The following TSBP1 variants were observed in gnomAD, a reference collection of about 807,000 sequenced individuals.
TSBP1 encodes the protein testis-expressed basic protein 1.
In TSBP1, 56 loss-of-function variants were observed where a neutral mutation model predicts 68.8. The ratio of observed to expected loss-of-function variants is 0.81; its 90% CI spans 0.66 to 1.02. The LOEUF (loss-of-function observed/expected upper bound fraction) is 1.02. Ranked by LOEUF, TSBP1 falls within the 50% of genes least tolerant of loss-of-function variation. The pLI is 0.00. For synonymous variants in TSBP1, 171 were observed against 208.7 expected, an observed-to-expected ratio of 0.82 and a Z score of 1.56; for missense variants, 502 against 641.2, an observed-to-expected ratio of 0.78 and a Z score of 2.34.
chr6:32,361,417 A>G lies in TSBP1; in HGVS notation c.217+4750T>C, dbSNP rs1773009502. The stretch of plus-strand genomic sequence containing the variant: ...CCCAATAATGAGATGGCTGGGTCAA[A>G]TGGTATTTCTAGTTCTAGATCCTTG... On this transcript the variant is annotated intron_variant, in intron 6 of 22. Coordinates refer to ENST00000612031, the Ensembl canonical transcript of TSBP1. The surrounding 1 kb of genome is among the most constrained non-coding windows in gnomAD (Gnocchi z 4.3). Among the ~76,000 whole-genome samples, 1 of 152,164 alleles carries G rather than the reference A, an allele frequency of 6.6e-6. No individual in the cohort carries two copies. The highest frequency in any genetic ancestry group is 2.4e-5 in the African/African-American group (1 of 41,428).
In TSBP1 at chr6:32,365,205, T is replaced by C. The variant is rs1186552515; in HGVS notation, c.217+962A>G. ...CCACACCCAGGGTAGATGGGATTTC[T>C]AAGATTGTGCTTTCTCTCAATCCTG... On this transcript the variant is annotated intron_variant, in intron 6 of 22. Transcript: ENST00000612031. The surrounding 1 kb of genome is among the most constrained non-coding windows in gnomAD (Gnocchi z 4.3). The C allele has an allele frequency of 9.9e-6, 4 of 405,306 alleles. No homozygotes were observed. The Admixed American group carries it at 1.1e-4, about 11-fold the overall frequency. 25.1% of individuals were successfully genotyped at this position (405,306 alleles called of 1,614,324 possible).
intron 16 of TSBP1, chr6:32,326,284 A>G (rs1768209703): frequency 1.4e-6 from 1 of 731,938 alleles, no homozygotes; most frequent in African/African-American, 1.7e-5. Context: ...GGCAGGGCCT[A>G]GCTGGTACAA....
At chr6:32,355,924 T>C (rs1474218350) in intron 6 of TSBP1, among the ~76,000 whole-genome samples, 1 of 151,962 alleles carries the variant, frequency 6.6e-6, no homozygotes, top group South Asian at 2.1e-4. Context: ...GAAGAATGTA[T>C]AGTTATAAGG....
At chr6:32,347,067 A>G (rs1771098479) in intron 9 of TSBP1, among the ~76,000 whole-genome samples, 1 of 152,224 alleles carries the variant, frequency 6.6e-6, no homozygotes, top group Admixed American at 6.5e-5. Flanking sequence ...ATGTATACAT[A>G]TATCAACACA....
chr6:32,358,910 T>TTTATTATTA (rs9281749), intron 6 of TSBP1, among the ~76,000 whole-genome samples: 2,823 of 148,030 alleles, frequency 0.019, 43 homozygotes, highest in African/African-American at 0.035. Context: ...CATGATTTGT[T>TTTATTATTA]TTATTATTAT....
At chr6:32,355,208 A>T in intron 7 of TSBP1, 64 bp from the exon 8 acceptor site, 1 of 1,535,534 alleles carries the variant, frequency 6.5e-7, no homozygotes, top group Non-Finnish European at 9.0e-7. Context: ...ATCTTTACAT[A>T]TCAGCTTCAG....
In TSBP1 at chr6:32,320,150, A is replaced by G. The variant is rs1192633739; in HGVS notation, c.559+2967T>C. 14 of 455,004 alleles carry G rather than the reference A, an allele frequency of 3.1e-5. No homozygotes were observed. In the East Asian group the frequency reaches 6.3e-4, roughly 20 times the overall value. The allele number at this position is 455,004 out of a possible 1,614,324, so 28.2% of individuals were successfully genotyped here. A position where few individuals can be genotyped will look rare whatever the true frequency, so the allele number is the denominator to read the frequency against. On this transcript the variant is annotated intron_variant, in intron 18 of 22. Transcript: ENST00000612031. ...GGGGGCTATCTTTCATGGATATTCT[A>G]TGATATAAATACCCTGGGTTGTGGC...
At position 32,361,525 on chromosome 6, in the gene TSBP1, A is replaced by T. The variant is rs1773021936; in HGVS notation, c.217+4642T>A. 6.6e-6 allele frequency among the ~76,000 whole-genome samples: 1 copy of T among 152,144 alleles called. No homozygotes were observed. Among genetic ancestry groups the T allele is most frequent in the South Asian group, 2.1e-4 (1 of 4,828 alleles). On this transcript the variant is annotated intron_variant, in intron 6 of 22. Coordinates refer to ENST00000612031, the Ensembl canonical transcript of TSBP1. This position sits in a 1 kb window ranked among gnomAD's most constrained non-coding sequence, Gnocchi z 4.3. The stretch of plus-strand genomic sequence containing the variant: ...TGTAAAAACATTCCTATTTCTCCAT[A>T]TCCTCTCCAGCACCTGTTTCCTGAC...
intron 6 of TSBP1, among the ~76,000 whole-genome samples, chr6:32,363,593 C>G (rs975338238): frequency 1.3e-5 from 2 of 150,924 alleles, no homozygotes; most frequent in Admixed American, 6.7e-5. Context: ...CTATTTGAAG[C>G]TAATAATAAC....
chr6:32,350,151 T>C, intron 8 of TSBP1: 2 of 482,852 alleles, frequency 4.1e-6, no homozygotes, highest in Non-Finnish European at 4.0e-6. Context: ...TTAATTTTCT[T>C]TCTGTTTTCC....
At chr6:32,324,536 C>T (rs763285283) in intron 16 of TSBP1, 25 of 1,307,104 alleles carry the variant, frequency 1.9e-5, no homozygotes, top group Admixed American at 1.2e-4. Flanking sequence ...GATAATGAGA[C>T]AGCAAGAGGC....
intron 9 of TSBP1, among the ~76,000 whole-genome samples, chr6:32,342,361 G>A (rs1770479039): frequency 6.6e-6 from 1 of 151,910 alleles, no homozygotes; most frequent in Admixed American, 6.6e-5. Flanking sequence ...CGGGGTTTCA[G>A]CAGGCTGGTC....
At chr6:32,309,443 T>G (rs941405860) in intron 19 of TSBP1, among the ~76,000 whole-genome samples, 5 of 152,182 alleles carry the variant, frequency 3.3e-5, no homozygotes, top group Non-Finnish European at 7.3e-5. Context: ...ACTGGGGACC[T>G]GTGTTTAATG....
At chr6:32,368,379 C>T (rs989866924) in intron 3 of TSBP1, among the ~76,000 whole-genome samples, 1 of 152,194 alleles carries the variant, frequency 6.6e-6, no homozygotes, top group Non-Finnish European at 1.5e-5. Flanking sequence ...ACTGTGTTCA[C>T]TCTCGTTATT....
chr6:32,293,727 G>A, exon 23 of TSBP1: 1 of 1,612,930 alleles, frequency 6.2e-7, no homozygotes, highest in Non-Finnish European at 8.5e-7. Flanking sequence ...TGTCCTTGTG[G>A]TATACTCATC....
At chr6:32,322,057 C>T (rs1358341681) in intron 18 of TSBP1, among the ~76,000 whole-genome samples, 1 of 152,170 alleles carries the variant, frequency 6.6e-6, no homozygotes, top group African/African-American at 2.4e-5. Flanking sequence ...CATTTTTAAC[C>T]TTGACAGGAA....
Position 32,335,971 on chromosome 6 carries a change from T to G in TSBP1, c.431-39A>C. ...AGAGGGAGAAAGAAAAAGATATCAG[T>G]ATGCTTCACCACTGTGAAGGAAATT... On this transcript the variant is annotated intron_variant, in intron 12 of 22. Transcript: ENST00000612031. This position sits in a 1 kb window ranked among gnomAD's most constrained non-coding sequence, Gnocchi z 5.5. 1 of 1,570,352 alleles carries G rather than the reference T, an allele frequency of 6.4e-7. No homozygotes were observed. The highest frequency in any genetic ancestry group is 8.7e-7 in the Non-Finnish European group (1 of 1,145,952).
At chr6:32,350,514 C>A (rs895867103) in intron 8 of TSBP1, among the ~76,000 whole-genome samples, 3 of 152,174 alleles carry the variant, frequency 2.0e-5, no homozygotes, top group East Asian at 1.9e-4. Flanking sequence ...AACCCATATT[C>A]TTGGTAATGA....
intron 4 of TSBP1, among the ~76,000 whole-genome samples, chr6:32,367,055 G>C (rs898066960): frequency 4.4e-5 from 4 of 91,094 alleles, no homozygotes; most frequent in Admixed American, 1.0e-4. Context: ...CTTGTAGCGT[G>C]TGTGTGTGTG....
Sources: allele counts gnomAD v4.1 joint callset (sites outside exome capture counted in the v4.1 genomes callset), GRCh38; gene constraint gnomAD v4.1.1; non-coding constraint Gnocchi (gnomAD v3.1); transcripts MANE v1.5; gene names NCBI Gene and HGNC (gene_info 2026-07-23, HGNC 2026-07-21).